GREB1L: variants seen among roughly 807,000 people sequenced by gnomAD.
The protein encoded by GREB1L is GREB1 like retinoic acid receptor coactivator.
A neutral mutation model predicts 200.8 loss-of-function variants in GREB1L; 17 were observed. The ratio of observed to expected loss-of-function variants is 0.08; its 90% CI spans 0.06 to 0.13. The LOEUF (loss-of-function observed/expected upper bound fraction) is 0.13. GREB1L is among the 10% of genes least tolerant of loss of function. GREB1L has a pLI of 1.00. For synonymous variants in GREB1L, 789 were observed against 893.0 expected, an observed-to-expected ratio of 0.88 and a Z score of 2.08; for missense variants, 1,657 against 2,367.7, an observed-to-expected ratio of 0.70 and a Z score of 6.23.
At chr18:21,399,441 ATGGATGGATGGT>A (rs1242929697) in intron 5 of GREB1L, among the ~76,000 whole-genome samples, 4 of 140,772 alleles carry the variant, frequency 2.8e-5, no homozygotes, top group East Asian at 2.1e-4. Context: ...GGATGGTTGG[ATGGATGGATGGT>A]TGGATGGATG....
intron 18 of GREB1L, among the ~76,000 whole-genome samples, chr18:21,489,054 G>A (rs28548484): frequency 0.012 from 1,765 of 152,330 alleles, 41 homozygotes; most frequent in African/African-American, 0.04. Context: ...TTGACTAGCA[G>A]CTCTTCATGC....
intron 1 of GREB1L, among the ~76,000 whole-genome samples, chr18:21,340,160 G>C (rs1367022063): frequency 6.6e-6 from 1 of 152,170 alleles, no homozygotes. Context: ...GCTCACGCCT[G>C]TAATCCCAGC....
At chr18:21,319,035 G>A (rs2038913623) in intron 1 of GREB1L, among the ~76,000 whole-genome samples, 2 of 152,178 alleles carry the variant, frequency 1.3e-5, no homozygotes, top group African/African-American at 4.8e-5. Context: ...AACTGGTGGT[G>A]GGCCTGGAGT....
chr18:21,396,415 A>T (rs922800120), intron 5 of GREB1L, among the ~76,000 whole-genome samples: 22 of 152,230 alleles, frequency 1.4e-4, no homozygotes, highest in Admixed American at 1.4e-3. Flanking sequence ...ATTTTTAAAA[A>T]GCATGCAATT....
At chr18:21,505,763 G>A in intron 24 of GREB1L, 47 bp from the exon 25 acceptor site, 3 of 1,522,700 alleles carry the variant, frequency 2.0e-6, no homozygotes, top group East Asian at 4.9e-5. Context: ...CAGGCATAGG[G>A]AAAACATGTT....
chr18:21,443,056 A>G (rs2033990589), intron 10 of GREB1L, among the ~76,000 whole-genome samples: 1 of 151,584 alleles, frequency 6.6e-6, no homozygotes, highest in African/African-American at 2.4e-5. Context: ...AGCGTGCACC[A>G]CCACGCTCAG....
chr18:21,521,514 C>T (rs549881662), intron 32 of GREB1L, among the ~76,000 whole-genome samples: 234 of 152,152 alleles, frequency 1.5e-3, no homozygotes, highest in African/African-American at 5.3e-3. Context: ...AGGGGTTGTG[C>T]GGGGACTGTG....
At chr18:21,443,443 G>A (rs1249427260) in intron 10 of GREB1L, among the ~76,000 whole-genome samples, 1 of 152,142 alleles carries the variant, frequency 6.6e-6, no homozygotes, top group Non-Finnish European at 1.5e-5. Context: ...CCGACCTCAG[G>A]TGATCCACCC....
intron 1 of GREB1L, among the ~76,000 whole-genome samples, chr18:21,296,752 T>G (rs1295202294): frequency 6.6e-6 from 1 of 151,972 alleles, no homozygotes; most frequent in African/African-American, 2.4e-5. Context: ...CCTCATGGGT[T>G]CAAGCAGTTC....
At chr18:21,432,866 C>G (rs2033268600) in intron 7 of GREB1L, among the ~76,000 whole-genome samples, 1 of 151,482 alleles carries the variant, frequency 6.6e-6, no homozygotes, top group East Asian at 1.9e-4. Flanking sequence ...GCCACCACAC[C>G]CGGCTAATTT....
At position 21,490,341 on chromosome 18, in the gene GREB1L, C is replaced by A. The variant is rs202059916; in HGVS notation, c.3020C>A (p.Ala1007Glu). The A allele has an allele frequency of 2.6e-6, 4 of 1,550,754 alleles. No individual in the cohort carries two copies. The highest frequency in any genetic ancestry group is 2.6e-6 in the Non-Finnish European group (3 of 1,146,174). ...TELSVATHFVARLKSWRGNEP... is the reference protein window; with the variant it reads ...TELSVATHFVERLKSWRGNEP... ...CTCAGTGTTGCAACTCACTTTGTGG[C>A]GCGATTAAAGGTTAGCAATGGACAG... is the stretch of plus-strand genomic sequence containing the variant. Residue 1007 changes from alanine (A) to glutamate (E), a missense_variant, in exon 19 of 33, where the codon GCG becomes GAG. Coordinates refer to ENST00000424526, the MANE Select transcript of GREB1L (RefSeq NM_001142966.3).
intron 18 of GREB1L, among the ~76,000 whole-genome samples, chr18:21,486,217 G>A (rs1178113810): frequency 6.6e-6 from 1 of 152,120 alleles, no homozygotes; most frequent in Non-Finnish European, 1.5e-5. Context: ...AGCCAGGCGT[G>A]GTGGCAGATG....
intron 18 of GREB1L, among the ~76,000 whole-genome samples, chr18:21,486,019 T>TC (rs2036115014): frequency 6.6e-6 from 1 of 152,196 alleles, no homozygotes; most frequent in Non-Finnish European, 1.5e-5. Context: ...TTCACTGCTA[T>TC]CATCAGGAGA....
chr18:21,436,079 G>T (rs1322916542), intron 7 of GREB1L, among the ~76,000 whole-genome samples: 2 of 152,096 alleles, frequency 1.3e-5, no homozygotes, highest in Non-Finnish European at 2.9e-5. Context: ...ATCTTTCTGG[G>T]CTTATGGTGA....
At chr18:21,268,522 T>TATACACACAC (rs1555623509) in intron 1 of GREB1L, among the ~76,000 whole-genome samples, 1 of 65,138 alleles carries the variant, frequency 1.5e-5, no homozygotes, top group Non-Finnish European at 3.0e-5. Context: ...TATATATATA[T>TATACACACAC]ACACACACAC....
intron 1 of GREB1L, among the ~76,000 whole-genome samples, chr18:21,248,297 C>G (rs2143885159): frequency 1.3e-5 from 2 of 152,176 alleles, no homozygotes; most frequent in South Asian, 4.1e-4. Flanking sequence ...GGTTGTGGGC[C>G]ACTGTTGCTA....
intron 1 of GREB1L, among the ~76,000 whole-genome samples, chr18:21,336,166 G>C (rs1489628353): frequency 6.6e-6 from 1 of 152,064 alleles, no homozygotes; most frequent in Non-Finnish European, 1.5e-5. Context: ...AACTGTAATA[G>C]CCAACTCTGT....
chr18:21,503,359 A>G (rs1178068959), intron 23 of GREB1L, among the ~76,000 whole-genome samples: 1 of 151,456 alleles, frequency 6.6e-6, no homozygotes, highest in Non-Finnish European at 1.5e-5. Context: ...GGCTCACGCC[A>G]TCATGCCCAG....
chr18:21,457,344 C>T (rs1245820919), intron 15 of GREB1L, among the ~76,000 whole-genome samples: 7 of 152,144 alleles, frequency 4.6e-5, no homozygotes, highest in Non-Finnish European at 8.8e-5. Context: ...GAATTATTCA[C>T]ATCTGGCTTT....
Sources: gnomAD v4.1 joint callset for allele counts (sites outside exome capture counted in the v4.1 genomes callset) on GRCh38, gnomAD v4.1.1 for gene constraint, MANE v1.5 for transcripts, NCBI Gene and HGNC (gene_info 2026-07-23, HGNC 2026-07-21) for gene names.